The following HS6ST3 variants were observed in gnomAD, a reference collection of about 807,000 sequenced individuals.
The protein encoded by HS6ST3 is heparan sulfate 6-O-sulfotransferase 3.
Under a neutral mutation model 36.7 loss-of-function variants are expected in HS6ST3, and 12 were observed. The ratio of observed to expected loss-of-function variants is 0.33; its 90% CI spans 0.21 to 0.53. The LOEUF (loss-of-function observed/expected upper bound fraction) is 0.53, where lower values mean the gene tolerates loss of function less well. Among genes scored for constraint, HS6ST3 ranks in the 20% least tolerant of loss-of-function variants. The probability of loss-of-function intolerance (pLI) is 0.95; values close to 1 mark genes in which losing one functional copy is unlikely to be tolerated. For missense variants in HS6ST3, 584 were observed against 640.9 expected, an observed-to-expected ratio of 0.91 and a Z score of 0.96; for synonymous variants, 240 against 257.5, an observed-to-expected ratio of 0.93 and a Z score of 0.65.
At chr13:96,381,050 A>C in intron 1 of HS6ST3, among the ~76,000 whole-genome samples, 1 of 152,218 alleles carries the variant, frequency 6.6e-6, no homozygotes, top group South Asian at 2.1e-4. Flanking sequence ...TTTAGCATAG[A>C]AAAAAGAGAG....
intron 1 of HS6ST3, among the ~76,000 whole-genome samples, chr13:96,340,845 C>T (rs1006648528): frequency 6.6e-6 from 1 of 152,140 alleles, no homozygotes; most frequent in Non-Finnish European, 1.5e-5. Context: ...ATATTCACCC[C>T]AAAAATCTTC....
intron 1 of HS6ST3, among the ~76,000 whole-genome samples, chr13:96,691,070 A>G (rs671620): frequency 0.99 from 149,960 of 152,242 alleles, 73,895 homozygotes; most frequent in Middle Eastern, 1. Flanking sequence ...AGAGTAATAA[A>G]TCAAAACACA....
intron 1 of HS6ST3, among the ~76,000 whole-genome samples, chr13:96,701,278 G>A (rs370568638): frequency 1.3e-5 from 2 of 152,106 alleles, no homozygotes; most frequent in Non-Finnish European, 1.5e-5. Flanking sequence ...AAGATACTAC[G>A]TGCAATTTGA....
At chr13:96,553,187 C>T (rs1348926716) in intron 1 of HS6ST3, among the ~76,000 whole-genome samples, 1 of 152,124 alleles carries the variant, frequency 6.6e-6, no homozygotes, top group African/African-American at 2.4e-5. Flanking sequence ...ACATTGTGGT[C>T]CTTCTATTCC....
chr13:96,396,304 ACT>A (rs1353407579), intron 1 of HS6ST3, among the ~76,000 whole-genome samples: 1 of 151,150 alleles, frequency 6.6e-6, no homozygotes, highest in Non-Finnish European at 1.5e-5. Context: ...CCAGGGGGAG[ACT>A]CTGTTTTGTT....
At chr13:96,776,150 A>G (rs1465149146) in intron 1 of HS6ST3, among the ~76,000 whole-genome samples, 3 of 152,236 alleles carry the variant, frequency 2.0e-5, no homozygotes, top group Non-Finnish European at 4.4e-5. Context: ...AACGAGAACA[A>G]AGACACAACA....
intron 1 of HS6ST3, among the ~76,000 whole-genome samples, chr13:96,179,265 A>T (rs939625549): frequency 2.6e-5 from 4 of 152,220 alleles, no homozygotes; most frequent in Non-Finnish European, 4.4e-5. Flanking sequence ...TTCTGTTACC[A>T]CAGTAATAGG....
intron 1 of HS6ST3, among the ~76,000 whole-genome samples, chr13:96,740,307 A>C (rs1298269246): frequency 1.3e-5 from 2 of 152,160 alleles, no homozygotes; most frequent in Non-Finnish European, 2.9e-5. Flanking sequence ...TGCATGGCAT[A>C]GTTCTGGAAG....
intron 1 of HS6ST3, among the ~76,000 whole-genome samples, chr13:96,461,776 C>T (rs2055785501): frequency 6.6e-6 from 1 of 152,084 alleles, no homozygotes; most frequent in African/African-American, 2.4e-5. Flanking sequence ...ATCTATACTC[C>T]CTCTGAAAAG....
chr13:96,330,121 C>T (rs1205893015), intron 1 of HS6ST3, among the ~76,000 whole-genome samples: 1 of 138,126 alleles, frequency 7.2e-6, no homozygotes, highest in Non-Finnish European at 1.6e-5. Flanking sequence ...ACTGATGGGT[C>T]TTGACTCTTT....
chr13:96,688,973 C>A (rs1353766090), intron 1 of HS6ST3, among the ~76,000 whole-genome samples: 1 of 152,072 alleles, frequency 6.6e-6, no homozygotes, highest in Non-Finnish European at 1.5e-5. Flanking sequence ...GAGGCACCAT[C>A]TTTGGAGTAC....
In HS6ST3 at chr13:96,838,942, T is replaced by A. The variant is rs535261871; in HGVS notation, c.*5744T>A. On this transcript the variant is annotated 3_prime_UTR_variant, in exon 2 of 2. Coordinates refer to ENST00000376705, the MANE Select transcript of HS6ST3 (RefSeq NM_153456.4). ...CATGCTAACCTAGCAGTACTCCAGA[T>A]TGAGAACGCAGATGGACAGGTGTCT... is the stretch of plus-strand genomic sequence containing the variant. 5 of 152,342 alleles carry A rather than the reference T, an allele frequency of 3.3e-5. No individual in the cohort carries two copies. In the South Asian group the frequency reaches 6.2e-4, roughly 19 times the overall value. The allele number at this position is 152,342 out of a possible 1,614,324, so 9.4% of individuals were successfully genotyped here.
rs950143612 is a variant in HS6ST3, at chr13:96,314,900, A to G, written c.707+223331A>G. 3.3e-5 allele frequency among the ~76,000 whole-genome samples: 5 copies of G among 152,308 alleles called. No individual in the cohort carries two copies. In the East Asian group the frequency reaches 9.6e-4, roughly 29 times the overall value. ...ATGTATACATTTTCATATACTTCAT[A>G]TAATTTCAAAATATAATAAATAATA... On this transcript the variant is annotated intron_variant, in intron 1 of 1. Coordinates refer to ENST00000376705, the MANE Select transcript of HS6ST3 (RefSeq NM_153456.4).
At position 96,464,052 on chromosome 13, in the gene HS6ST3, A is replaced by G. The variant is rs535957603; in HGVS notation, c.708-368438A>G. Reference sequence around the variant, plus strand: ...TTTTTTTTTTTTTTTTTAAATAAACACAGAAATTGACCCTTCTGGTTTTAA... The same window carrying G: ...TTTTTTTTTTTTTTTTTAAATAAACGCAGAAATTGACCCTTCTGGTTTTAA... On this transcript the variant is annotated intron_variant, in intron 1 of 1. Coordinates refer to ENST00000376705, the MANE Select transcript of HS6ST3 (RefSeq NM_153456.4). Among the ~76,000 whole-genome samples, 174 of 133,796 alleles carry G rather than the reference A, an allele frequency of 1.3e-3. 1 individual carries two copies. Among genetic ancestry groups the G allele is most frequent in the African/African-American group, 4.5e-3 (161 of 35,740 alleles). The allele number at this position is 133,796 out of a possible 152,430, so 87.8% of individuals were successfully genotyped here. A position where few individuals can be genotyped will look rare whatever the true frequency, so the allele number is the denominator to read the frequency against.
chr13:96,176,638 T>A (rs1176049080), intron 1 of HS6ST3, among the ~76,000 whole-genome samples: 1 of 152,148 alleles, frequency 6.6e-6, no homozygotes, highest in East Asian at 1.9e-4. Context: ...TGTGACATCA[T>A]GAGGTGGCAA....
rs188440335 is a variant in HS6ST3, at chr13:96,145,488, T to G, written c.707+53919T>G. On this transcript the variant is annotated intron_variant, in intron 1 of 1. Transcript: ENST00000376705. ...TGTCTGTTATATCCTTCGCCCAGTTTTTGATGGGGTTGTTTGTTTTTTTCT... is the reference window on the plus strand; with the variant it reads ...TGTCTGTTATATCCTTCGCCCAGTTGTTGATGGGGTTGTTTGTTTTTTTCT... 3.2e-3 allele frequency among the ~76,000 whole-genome samples: 484 copies of G among 152,294 alleles called. 2 individuals are homozygous for G. The highest frequency in any genetic ancestry group is 0.011 in the African/African-American group (475 of 41,564).
chr13:96,256,893 G>C (rs1566303386), intron 1 of HS6ST3, among the ~76,000 whole-genome samples: 1 of 151,788 alleles, frequency 6.6e-6, no homozygotes, highest in South Asian at 2.1e-4. Flanking sequence ...TATTTACGTC[G>C]GGACAACAGG....
intron 1 of HS6ST3, among the ~76,000 whole-genome samples, chr13:96,148,602 C>T (rs1296388587): frequency 6.6e-6 from 1 of 152,080 alleles, no homozygotes; most frequent in Non-Finnish European, 1.5e-5. Flanking sequence ...GTGGAAACAG[C>T]AACCTAAAGA....
intron 1 of HS6ST3, among the ~76,000 whole-genome samples, chr13:96,759,179 T>C (rs1876906769): frequency 6.6e-6 from 1 of 151,920 alleles, no homozygotes; most frequent in African/African-American, 2.4e-5. Flanking sequence ...CTGCGACTTA[T>C]ACTTATTAAA....
Sources: gnomAD v4.1 joint callset for allele counts (sites outside exome capture counted in the v4.1 genomes callset) on GRCh38, gnomAD v4.1.1 for gene constraint, MANE v1.5 for transcripts, NCBI Gene and HGNC (gene_info 2026-07-23, HGNC 2026-07-21) for gene names.